SLC35D2: variants seen among roughly 807,000 people sequenced by gnomAD.
SLC35D2 encodes nucleotide sugar transporter SLC35D2.
In SLC35D2, 43 loss-of-function variants were observed where a neutral mutation model predicts 41.8. The observed-to-expected ratio is 1.03, with a 90% confidence interval of 0.81 to 1.33. The LOEUF (loss-of-function observed/expected upper bound fraction) is 1.33. Among genes scored for constraint, SLC35D2 ranks in the 40% most tolerant of loss-of-function variants. The pLI is 0.00. For missense variants in SLC35D2, 380 were observed against 408.4 expected (o/e 0.93, Z 0.60); for synonymous variants, 150 against 163.9 (o/e 0.92, Z 0.65).
At chr9:96,320,109 A>G (rs1828155821), downstream of SLC35D2, among the ~76,000 whole-genome samples, 1 of 152,188 alleles carries the variant, frequency 6.6e-6, no homozygotes, top group Non-Finnish European at 1.5e-5. Context: ...CCTCCTTCCC[A>G]TACACCAGGG....
intron 1 of SLC35D2, among the ~76,000 whole-genome samples, chr9:96,372,863 G>C (rs1830768513): frequency 6.6e-6 from 1 of 150,856 alleles, no homozygotes; most frequent in Non-Finnish European, 1.5e-5. Context: ...TGGGATTACA[G>C]GCACTAGCAA....
chr9:96,338,416 T>C (rs551039085), intron 8 of SLC35D2, among the ~76,000 whole-genome samples: 2 of 152,228 alleles, frequency 1.3e-5, no homozygotes, highest in East Asian at 3.9e-4. Context: ...TAGCTGGGCA[T>C]GGTGGTGTGC....
intron 8 of SLC35D2, among the ~76,000 whole-genome samples, chr9:96,339,398 C>T (rs1829208735): frequency 6.6e-6 from 1 of 152,114 alleles, no homozygotes. Context: ...CGTGAGCCAT[C>T]GTGACCAGCC....
chr9:96,358,285 G>A (rs934258796), intron 4 of SLC35D2, among the ~76,000 whole-genome samples: 4 of 151,460 alleles, frequency 2.6e-5, no homozygotes, highest in Non-Finnish European at 5.9e-5. Flanking sequence ...AGACCTAAAC[G>A]TAAAATGTAA....
intron 8 of SLC35D2, among the ~76,000 whole-genome samples, chr9:96,337,094 C>T (rs575711454): frequency 6.6e-6 from 1 of 152,222 alleles, no homozygotes; most frequent in East Asian, 1.9e-4. Flanking sequence ...ACGCTATTAT[C>T]GCTGAGGCTA....
Position 96,321,133 on chromosome 9 carries a change from G to A in SLC35D2, c.*109C>T. 2.6e-6 allele frequency: 2 copies of A among 760,136 alleles called. No individual in the cohort carries two copies. Among genetic ancestry groups the A allele is most frequent in the Non-Finnish European group, 2.2e-6 (1 of 448,780 alleles). 47.1% of individuals were successfully genotyped at this position (760,136 alleles called of 1,614,324 possible). Reference sequence around the variant, plus strand: ...TTGCATTTTGCAGATGCTCTCACTTGCCCAGGGGGTGGATGTCACGAATCC... The same window carrying A: ...TTGCATTTTGCAGATGCTCTCACTTACCCAGGGGGTGGATGTCACGAATCC... On this transcript the variant is annotated 3_prime_UTR_variant, in exon 12 of 12. Coordinates refer to ENST00000253270, the MANE Select transcript of SLC35D2 (RefSeq NM_007001.3).
At chr9:96,380,124 T>C (rs946294848) in intron 1 of SLC35D2, among the ~76,000 whole-genome samples, 8 of 152,194 alleles carry the variant, frequency 5.3e-5, no homozygotes, top group Non-Finnish European at 8.8e-5. Context: ...CTCAAACTCC[T>C]GACCTCAGGT....
At chr9:96,353,501 A>T (rs1166301831) in intron 4 of SLC35D2, among the ~76,000 whole-genome samples, 1 of 152,012 alleles carries the variant, frequency 6.6e-6, no homozygotes, top group Non-Finnish European at 1.5e-5. Context: ...TTACACTACC[A>T]CGCCCAGCTA....
intron 7 of SLC35D2, 51 bp from the exon 8 acceptor site, chr9:96,344,047 A>C (rs750482337): frequency 1.7e-6 from 2 of 1,209,012 alleles, no homozygotes; most frequent in South Asian, 2.8e-5. Flanking sequence ...CGTGAGGCAC[A>C]GATTTCCTGG....
downstream of SLC35D2, among the ~76,000 whole-genome samples, chr9:96,320,428 AT>A (rs980566329): frequency 1.3e-5 from 2 of 152,016 alleles, no homozygotes; most frequent in African/African-American, 4.8e-5. Flanking sequence ...AAGCAAGAGA[AT>A]CACTTGAACC....
At chr9:96,351,048 G>T in intron 6 of SLC35D2, 55 bp downstream of exon 6, 3 of 1,274,682 alleles carry the variant, frequency 2.4e-6, no homozygotes, top group Non-Finnish European at 3.4e-6. Context: ...ATGGGGCTGG[G>T]CCTATTGTCA....
At chr9:96,327,938 C>A (rs1203749457) in intron 9 of SLC35D2, among the ~76,000 whole-genome samples, 1 of 151,786 alleles carries the variant, frequency 6.6e-6, no homozygotes, top group African/African-American at 2.4e-5. Flanking sequence ...TCTTAATATA[C>A]CCACTAGATG....
At chr9:96,382,494 C>T (rs557211648) in intron 1 of SLC35D2, among the ~76,000 whole-genome samples, 3,041 of 143,170 alleles carry the variant, frequency 0.021, 44 homozygotes, top group Middle Eastern at 0.047. Context: ...CACACACACA[C>T]ACTATATATA....
chr9:96,383,546 G>A lies in SLC35D2; in HGVS notation c.89C>T (p.Ser30Leu). 28 of 1,506,974 alleles carry A rather than the reference G, an allele frequency of 1.9e-5. No individual in the cohort carries two copies. The highest frequency in any genetic ancestry group is 2.4e-5 in the Non-Finnish European group (27 of 1,127,412). The allele number at this position is 1,506,974 out of a possible 1,614,324, so 93.4% of individuals were successfully genotyped here. The part of the protein sequence containing the change: ...RLPSRVARLL[S>L]ALFYGTCSFL... ...GGAGCAGGTCCCGTAGAAGAGCGCCGACAGCAGCCGGGCCACCCGCGAGGG... is the reference window on the plus strand; with the variant it reads ...GGAGCAGGTCCCGTAGAAGAGCGCCAACAGCAGCCGGGCCACCCGCGAGGG... Residue 30 changes from serine to leucine, a missense_variant, in exon 1 of 12, where the codon TCG (serine) becomes TTG (leucine). Ser to Leu is a moderately radical substitution (Grantham distance 145, BLOSUM62 -2). Coordinates refer to ENST00000253270, the MANE Select transcript of SLC35D2 (RefSeq NM_007001.3).
Position 96,352,056 on chromosome 9 carries a change from A to G in SLC35D2, c.401T>C (p.Leu134Pro). 1.2e-6 allele frequency: 2 copies of G among 1,612,242 alleles called. No homozygotes were observed. Among genetic ancestry groups the G allele is most frequent in the Non-Finnish European group, 1.7e-6 (2 of 1,178,780 alleles). ...RKFTIPLTLL[L>P]ETIILGKQYS... ...AAATCACCCAAGTATGATGGTTTCCAGAAGTAAGGTAAGTGGAATGGTGAA... is the reference window on the plus strand; with the variant it reads ...AAATCACCCAAGTATGATGGTTTCCGGAAGTAAGGTAAGTGGAATGGTGAA... Residue 134 changes from leucine to proline, a missense_variant, in exon 5 of 12, where the codon CTG becomes CCG. By Grantham distance (98) the Leu-to-Pro change is moderately conservative. Coordinates refer to ENST00000253270, the MANE Select transcript of SLC35D2 (RefSeq NM_007001.3).
chr9:96,375,706 G>C (rs1340021129), intron 1 of SLC35D2, among the ~76,000 whole-genome samples: 7 of 151,954 alleles, frequency 4.6e-5, no homozygotes, highest in African/African-American at 1.7e-4. Flanking sequence ...GATCATGTGG[G>C]CAGAACTCCT....
intron 1 of SLC35D2, among the ~76,000 whole-genome samples, chr9:96,381,187 TTAG>T (rs1831184192): frequency 1.3e-5 from 2 of 152,222 alleles, no homozygotes; most frequent in African/African-American, 4.8e-5. Context: ...CTAATTGCAT[TTAG>T]CATGAAACTA....
chr9:96,335,844 G>A (rs973835249), intron 9 of SLC35D2, among the ~76,000 whole-genome samples: 2 of 151,902 alleles, frequency 1.3e-5, no homozygotes, highest in Admixed American at 6.6e-5. Flanking sequence ...ACAAGGTCAG[G>A]AGATTGAGAT....
intron 4 of SLC35D2, 23 bp downstream of exon 4, chr9:96,360,131 C>T: frequency 6.3e-7 from 1 of 1,591,892 alleles, no homozygotes; most frequent in Admixed American, 1.7e-5. Flanking sequence ...GAACTTTCCA[C>T]CAGCCATTAT....
Sources: allele counts gnomAD v4.1 joint callset (sites outside exome capture counted in the v4.1 genomes callset), GRCh38; gene constraint gnomAD v4.1.1; transcripts MANE v1.5; gene names NCBI Gene and HGNC (gene_info 2026-07-23, HGNC 2026-07-21).